Variants in CTNNA3 observed in about 807,000 individuals in gnomAD.
CTNNA3 encodes catenin alpha-3.
CTNNA3 carries 76 observed loss-of-function variants against 95.7 expected under a neutral mutation model. The ratio of observed to expected loss-of-function variants is 0.79; its 90% CI spans 0.66 to 0.96. The LOEUF is 0.96. Ranked by LOEUF, CTNNA3 falls within the 40% of genes least tolerant of loss-of-function variation. The pLI, the probability that CTNNA3 is intolerant of heterozygous loss-of-function variation, is 0.00. For missense variants in CTNNA3, 1,191 were observed against 1,089.8 expected (o/e 1.09, Z -1.31); for synonymous variants, 431 against 374.4 (o/e 1.15, Z -1.74).
rs532454481 is a variant in CTNNA3, at chr10:67,024,999, G to A, written c.1047+155318C>T. Among the ~76,000 whole-genome samples the A allele has an allele frequency of 4.9e-4, 74 of 151,762 alleles. No individual in the cohort carries two copies. The Middle Eastern group carries it at 0.01, about 21-fold the overall frequency. On this transcript the variant is annotated intron_variant, in intron 7 of 17. Coordinates refer to ENST00000433211, the MANE Select transcript of CTNNA3 (RefSeq NM_013266.4). ...TACAAAATTAGCCAGGTGTGGTGGC[G>A]CATGCCTGTAATCTCAGCTACTCGG...
intron 9 of CTNNA3, among the ~76,000 whole-genome samples, chr10:66,626,391 A>G (rs1055811582): frequency 3.3e-5 from 5 of 152,086 alleles, no homozygotes; most frequent in Non-Finnish European, 7.4e-5. Context: ...TTGTAATATC[A>G]TGTCACCACG....
chr10:67,731,954 G>GTTTTTA (rs1841277333), intron 1 of CTNNA3, among the ~76,000 whole-genome samples: 2 of 151,806 alleles, frequency 1.3e-5, no homozygotes, highest in African/African-American at 4.8e-5. Flanking sequence ...TTTTGTTTTT[G>GTTTTTA]TAGTTTTAGT....
chr10:67,045,925 A>T (rs1854716146), intron 7 of CTNNA3, among the ~76,000 whole-genome samples: 1 of 152,218 alleles, frequency 6.6e-6, no homozygotes, highest in Admixed American at 6.5e-5. Context: ...AATGCACAAG[A>T]ACTTCTCGAG....
At chr10:66,796,553 G>C (rs1841199083) in intron 7 of CTNNA3, among the ~76,000 whole-genome samples, 1 of 151,950 alleles carries the variant, frequency 6.6e-6, no homozygotes, top group Non-Finnish European at 1.5e-5. Context: ...ATATGAAACA[G>C]AGGCATGAAA....
intron 3 of CTNNA3, among the ~76,000 whole-genome samples, chr10:67,589,914 T>A (rs1380520803): frequency 6.6e-6 from 1 of 152,092 alleles, no homozygotes; most frequent in Non-Finnish European, 1.5e-5. Flanking sequence ...ACAACAAAAC[T>A]AAATAATATT....
intron 5 of CTNNA3, among the ~76,000 whole-genome samples, chr10:67,282,517 A>G (rs1448958567): frequency 6.6e-6 from 1 of 152,238 alleles, no homozygotes; most frequent in Non-Finnish European, 1.5e-5. Context: ...TGCTTAACCC[A>G]TGGTAACCTA....
chr10:67,460,492 A>G (rs190805568), intron 5 of CTNNA3, among the ~76,000 whole-genome samples: 3 of 152,324 alleles, frequency 2.0e-5, no homozygotes, highest in African/African-American at 7.2e-5. Context: ...CCAATCTCAA[A>G]AAAAGAGACA....
intron 12 of CTNNA3, among the ~76,000 whole-genome samples, chr10:66,331,923 C>G (rs1014823214): frequency 4.6e-5 from 7 of 151,954 alleles, no homozygotes; most frequent in Non-Finnish European, 8.8e-5. Context: ...ATTGATTCTT[C>G]CTACCCATGA....
intron 5 of CTNNA3, among the ~76,000 whole-genome samples, chr10:67,300,135 C>T (rs1199952694): frequency 6.6e-6 from 1 of 152,056 alleles, no homozygotes; most frequent in African/African-American, 2.4e-5. Context: ...TTTAGCAAGC[C>T]CCCAACATAA....
rs550413385 is a variant in CTNNA3 at position 66,360,780 on chromosome 10, T to C, written c.1732+18372A>G. Among the ~76,000 whole-genome samples the C allele has an allele frequency of 9.7e-4, 55 of 56,946 alleles. 2 individuals are homozygous for C. Among genetic ancestry groups the C allele is most frequent in the African/African-American group, 3.1e-3 (50 of 16,108 alleles). The allele number at this position is 56,946 out of a possible 152,430, so 37.4% of individuals were successfully genotyped here. ...CCTTCCTTCCTTCCTTTTCTTTCTT[T>C]CTTTCTTCCTTCCTTCCTTCCTTCC... is the stretch of plus-strand genomic sequence containing the variant. On this transcript the variant is annotated intron_variant, in intron 12 of 17. Coordinates refer to ENST00000433211, the MANE Select transcript of CTNNA3 (RefSeq NM_013266.4).
rs766106275 is a variant in CTNNA3 at position 66,927,284 on chromosome 10, A to G, written c.1048-151760T>C. On this transcript the variant is annotated intron_variant, in intron 7 of 17. Transcript: ENST00000433211. The surrounding 1 kb of genome is among the most constrained non-coding windows in gnomAD (Gnocchi z 4.7). ...ATTCTTAGTTCCAATAGAATCTCCT[A>G]TTTTCTTAACAATACCTTCAGACCT... is the stretch of plus-strand genomic sequence containing the variant. 7.4e-6 allele frequency: 12 copies of G among 1,613,974 alleles called. No homozygotes were observed. Among genetic ancestry groups the G allele is most frequent in the Admixed American group, 5.0e-5 (3 of 59,994 alleles).
At chr10:66,332,500 A>T (rs1395331022) in intron 12 of CTNNA3, among the ~76,000 whole-genome samples, 2 of 152,002 alleles carry the variant, frequency 1.3e-5, no homozygotes, top group African/African-American at 2.4e-5. Flanking sequence ...GGTTTTTGTC[A>T]TTGGTTCTGT....
rs547672952 is a variant in CTNNA3 at position 67,394,014 on chromosome 10, C to A, written c.579+127828G>T. 2.0e-5 allele frequency among the ~76,000 whole-genome samples: 3 copies of A among 152,082 alleles called. No homozygotes were observed. The South Asian group carries it at 6.2e-4, about 32-fold the overall frequency. Reference sequence around the variant, plus strand: ...AACAAACTGAAGTTCTTGCTGGGGGCAAAGGATATAAAAATGGTAGTGGAA... The same window carrying A: ...AACAAACTGAAGTTCTTGCTGGGGGAAAAGGATATAAAAATGGTAGTGGAA... On this transcript the variant is annotated intron_variant, in intron 5 of 17. Transcript: ENST00000433211.
At chr10:67,094,416 A>T (rs1034935490) in intron 7 of CTNNA3, among the ~76,000 whole-genome samples, 1 of 151,876 alleles carries the variant, frequency 6.6e-6, no homozygotes, top group African/African-American at 2.4e-5. Context: ...AATACATGAT[A>T]GCAATTGTAT....
chr10:66,756,205 A>G (rs1176766036), intron 9 of CTNNA3, among the ~76,000 whole-genome samples: 3 of 152,168 alleles, frequency 2.0e-5, no homozygotes, highest in African/African-American at 7.2e-5. Context: ...CATTAGAGTG[A>G]AAAAAGAGGA....
At chr10:66,940,806 T>C (rs1423085896) in intron 7 of CTNNA3, among the ~76,000 whole-genome samples, 1 of 152,244 alleles carries the variant, frequency 6.6e-6, no homozygotes, top group East Asian at 1.9e-4. Context: ...ACTTATCTGA[T>C]CTTCAGTTTG....
At chr10:66,543,194 G>A (rs1448478869) in intron 10 of CTNNA3, among the ~76,000 whole-genome samples, 1 of 152,016 alleles carries the variant, frequency 6.6e-6, no homozygotes, top group African/African-American at 2.4e-5. Flanking sequence ...CCAGGTTCAA[G>A]CAATTCTCCT....
At chr10:65,935,829 G>A (rs2077328426) in intron 17 of CTNNA3, among the ~76,000 whole-genome samples, 1 of 152,056 alleles carries the variant, frequency 6.6e-6, no homozygotes. Context: ...ACTGAGTATA[G>A]AAGGCTAGGG....
rs200990936 is a variant in CTNNA3, at chr10:66,621,646, G to A, written c.1374+46C>T. The stretch of plus-strand genomic sequence containing the variant: ...ATTTTCATATGCATAAAAGCATTAG[G>A]AATTATATATAATTTTACACACAAA... On this transcript the variant is annotated intron_variant, in intron 10 of 17. Transcript: ENST00000433211. 171 of 1,124,750 alleles carry A rather than the reference G, an allele frequency of 1.5e-4. No homozygotes were observed. The African/African-American group carries it at 2.4e-3, about 16-fold the overall frequency. The allele number at this position is 1,124,750 out of a possible 1,614,324, so 69.7% of individuals were successfully genotyped here.
Sources: gnomAD v4.1 joint callset for allele counts (sites outside exome capture counted in the v4.1 genomes callset) on GRCh38, gnomAD v4.1.1 for gene constraint, Gnocchi (gnomAD v3.1) non-coding constraint, MANE v1.5 for transcripts, NCBI Gene and HGNC (gene_info 2026-07-23, HGNC 2026-07-21) for gene names.